DR1: variants seen among roughly 807,000 people sequenced by gnomAD.
The protein encoded by DR1 is protein Dr1.
A neutral mutation model predicts 19.9 loss-of-function variants in DR1; 7 were observed. That is an observed-to-expected ratio of 0.35 (90% CI 0.20 to 0.66). The LOEUF is 0.66. DR1 is among the 30% of genes least tolerant of loss of function. The probability of loss-of-function intolerance (pLI) is 0.66; values close to 1 mark genes in which losing one functional copy is unlikely to be tolerated. For missense variants in DR1, 98 were observed against 203.7 expected (o/e 0.48, Z 3.16); for synonymous variants, 76 against 72.5 (o/e 1.05, Z -0.24).
chr1:93,346,639 A>G lies in DR1; in HGVS notation c.-7A>G, dbSNP rs369678907. ...AAAAGCCGGGGCGCGAGAAACAGGA[A>G]GGTACTATGGCTTCCTCGTCTGGCA... On this transcript the variant is annotated 5_prime_UTR_variant, in exon 1 of 3. Coordinates refer to ENST00000370272, the MANE Select transcript of DR1 (RefSeq NM_001938.3). The G allele has an allele frequency of 1.4e-5, 22 of 1,612,218 alleles. No individual in the cohort carries two copies. The highest frequency in any genetic ancestry group is 1.7e-5 in the Non-Finnish European group (20 of 1,178,854).
intron 2 of DR1, among the ~76,000 whole-genome samples, chr1:93,358,494 C>A (rs1308949880): frequency 6.6e-6 from 1 of 152,148 alleles, no homozygotes; most frequent in Non-Finnish European, 1.5e-5. Context: ...TAATACACCA[C>A]CAGCCTGAAC....
chr1:93,359,442 A>G (rs1667028443), intron 2 of DR1, among the ~76,000 whole-genome samples: 2 of 152,236 alleles, frequency 1.3e-5, no homozygotes, highest in South Asian at 4.1e-4. Context: ...GGGAATGCAT[A>G]GGGAATTATG....
intron 2 of DR1, among the ~76,000 whole-genome samples, chr1:93,359,216 G>A (rs1389909690): frequency 6.6e-6 from 1 of 152,118 alleles, no homozygotes; most frequent in East Asian, 1.9e-4. Flanking sequence ...AGTCATGACA[G>A]ATTATTCAGA....
intron 1 of DR1, among the ~76,000 whole-genome samples, chr1:93,353,607 T>TC (rs1666943785): frequency 6.6e-6 from 1 of 152,258 alleles, no homozygotes; most frequent in South Asian, 2.1e-4. Flanking sequence ...GGCTTTTTTT[T>TC]CTTCCCTGCT....
intron 1 of DR1, among the ~76,000 whole-genome samples, chr1:93,352,977 C>T (rs1666934949): frequency 6.6e-6 from 1 of 150,650 alleles, no homozygotes; most frequent in Non-Finnish European, 1.5e-5. Context: ...TCGTGACATC[C>T]TCAATCTCCT....
intron 1 of DR1, among the ~76,000 whole-genome samples, chr1:93,349,467 A>G (rs757840650): frequency 6.6e-6 from 1 of 152,094 alleles, no homozygotes; most frequent in Non-Finnish European, 1.5e-5. Context: ...GTCAGCTGTA[A>G]GTTCCGCACT....
In DR1 at chr1:93,346,374, G is replaced by T; in HGVS notation, c.-272G>T. On this transcript the variant is annotated 5_prime_UTR_variant, in exon 1 of 3. Coordinates refer to ENST00000370272, the MANE Select transcript of DR1 (RefSeq NM_001938.3). ...GGTTCCCCAGCCGCTCAAATTTCCGGACCACCGCGCTTTCCCCTCCTCAGC... is the reference window on the plus strand; with the variant it reads ...GGTTCCCCAGCCGCTCAAATTTCCGTACCACCGCGCTTTCCCCTCCTCAGC... 1 of 460,518 alleles carries T rather than the reference G, an allele frequency of 2.2e-6. No individual in the cohort carries two copies. 28.5% of individuals were successfully genotyped at this position (460,518 alleles called of 1,614,324 possible).
intron 1 of DR1, among the ~76,000 whole-genome samples, chr1:93,348,242 ACT>A: frequency 6.6e-6 from 1 of 151,616 alleles, no homozygotes; most frequent in South Asian, 2.1e-4. Flanking sequence ...TGTGCTGAAT[ACT>A]CTAGCAAGTA....
At chr1:93,352,405 TG>T (rs1345349027) in intron 1 of DR1, among the ~76,000 whole-genome samples, 1 of 152,226 alleles carries the variant, frequency 6.6e-6, no homozygotes, top group African/African-American at 2.4e-5. Flanking sequence ...CTTAGAATAA[TG>T]CCTTTCTGAA....
chr1:93,349,576 TAGTC>T (rs1363635596), intron 1 of DR1, among the ~76,000 whole-genome samples: 1 of 152,140 alleles, frequency 6.6e-6, no homozygotes, highest in Non-Finnish European at 1.5e-5. Flanking sequence ...TTTTGAGAAT[TAGTC>T]AGGGGTTGAG....
chr1:93,364,843 TTTTC>T lies in DR1; in HGVS notation c.*4212_*4215del, dbSNP rs200109051. 1 of 99,430 alleles carries T rather than the reference TTTTC, an allele frequency of 1.0e-5. No homozygotes were observed. The highest frequency in any genetic ancestry group is 1.2e-4 in the Admixed American group (1 of 8,616). The allele number at this position is 99,430 out of a possible 1,614,324, so 6.2% of individuals were successfully genotyped here. Reference sequence around the variant, plus strand: ...TGTTTCCTTTTTCTTTTTTCTTTTCTTTTCTTTCTTTTTTTTTTTTTTTTTTTTG... The same window carrying T: ...TGTTTCCTTTTTCTTTTTTCTTTTCTTTTCTTTTTTTTTTTTTTTTTTTTG... On this transcript the variant is annotated 3_prime_UTR_variant, in exon 3 of 3. Coordinates refer to ENST00000370272, the MANE Select transcript of DR1 (RefSeq NM_001938.3).
Position 93,346,342 on chromosome 1 carries a change from C to G in DR1, c.-304C>G, listed in dbSNP as rs374998273. The G allele has an allele frequency of 4.9e-6, 2 of 408,632 alleles. No individual in the cohort carries two copies. Among genetic ancestry groups the G allele is most frequent in the East Asian group, 5.4e-5 (1 of 18,460 alleles). The allele number at this position is 408,632 out of a possible 1,614,324, so 25.3% of individuals were successfully genotyped here. Reference sequence around the variant, plus strand: ...CAGCGCCCGCCCCTCTGAGGAGACACGAAGGTGGTTCCCCAGCCGCTCAAA... The same window carrying G: ...CAGCGCCCGCCCCTCTGAGGAGACAGGAAGGTGGTTCCCCAGCCGCTCAAA... On this transcript the variant is annotated 5_prime_UTR_variant, in exon 1 of 3. Transcript: ENST00000370272.
At chr1:93,348,553 T>C (rs905556235) in intron 1 of DR1, among the ~76,000 whole-genome samples, 6 of 152,098 alleles carry the variant, frequency 3.9e-5, no homozygotes, top group Non-Finnish European at 8.8e-5. Flanking sequence ...TTCTAGGATA[T>C]ATTTAGATTT....
chr1:93,358,238 T>C (rs1290112712), intron 2 of DR1, among the ~76,000 whole-genome samples: 1 of 152,188 alleles, frequency 6.6e-6, no homozygotes, highest in African/African-American at 2.4e-5. Context: ...GACCCACCTT[T>C]CTATGCTCTG....
At chr1:93,359,660 G>T (rs143118328) in intron 2 of DR1, among the ~76,000 whole-genome samples, 3 of 152,204 alleles carry the variant, frequency 2.0e-5, no homozygotes, top group Admixed American at 2.0e-4. Flanking sequence ...TTAAGAACAG[G>T]TTCATTTTTT....
At chr1:93,353,815 C>T in intron 1 of DR1, 93 bp from the exon 2 acceptor site, 1 of 1,023,580 alleles carries the variant, frequency 9.8e-7, no homozygotes, top group Non-Finnish European at 1.4e-6. Flanking sequence ...TTCCCCTCCC[C>T]CAAAGAAAAG....
chr1:93,359,760 C>T (rs887392199), intron 2 of DR1, among the ~76,000 whole-genome samples: 10 of 151,994 alleles, frequency 6.6e-5, no homozygotes, highest in Non-Finnish European at 1.3e-4. Context: ...ATGTATGCAT[C>T]CTGGTTTCTT....
chr1:93,350,733 A>G (rs1666904752), intron 1 of DR1, among the ~76,000 whole-genome samples: 2 of 152,144 alleles, frequency 1.3e-5, no homozygotes, highest in Admixed American at 6.5e-5. Context: ...AATGTACACC[A>G]TGGACTTTTC....
chr1:93,351,436 C>CTTTTTTTTTTTTTTTTT, intron 1 of DR1, among the ~76,000 whole-genome samples: 1 of 103,844 alleles, frequency 9.6e-6, no homozygotes, highest in Non-Finnish European at 1.9e-5. Flanking sequence ...GATTTTCTTT[C>CTTTTTTTTTTTTTTTTT]TTTTTTTTTT....
Sources: allele counts gnomAD v4.1 joint callset (sites outside exome capture counted in the v4.1 genomes callset), GRCh38; gene constraint gnomAD v4.1.1; transcripts MANE v1.5; gene names NCBI Gene and HGNC (gene_info 2026-07-23, HGNC 2026-07-21).